Variants in RBFOX1 observed in about 807,000 individuals in gnomAD.
RBFOX1 encodes RNA binding fox-1 homolog 1, also known as RNA binding protein fox-1 homolog 1.
A neutral mutation model predicts 57.7 loss-of-function variants in RBFOX1; 8 were observed. The observed-to-expected ratio is 0.14, with a 90% CI of 0.08 to 0.25. The LOEUF (loss-of-function observed/expected upper bound fraction) is 0.25, where lower values mean the gene tolerates loss of function less well. Ranked by LOEUF, RBFOX1 falls within the 10% of genes least tolerant of loss-of-function variation. RBFOX1 has a pLI of 1.00. For synonymous variants in RBFOX1, 326 were observed against 222.4 expected, an observed-to-expected ratio of 1.47 and a Z score of -4.15; for missense variants, 611 against 548.5, an observed-to-expected ratio of 1.11 and a Z score of -1.14.
At chr16:6,857,834 G>C (rs2058188575) in intron 3 of RBFOX1, among the ~76,000 whole-genome samples, 1 of 152,172 alleles carries the variant, frequency 6.6e-6, no homozygotes, top group Non-Finnish European at 1.5e-5. Context: ...TAATTATAGT[G>C]TGTTTGTAGC....
chr16:5,477,220 TGCCCAG>T (rs2151634787), intron 2 of RBFOX1, among the ~76,000 whole-genome samples: 2 of 152,302 alleles, frequency 1.3e-5, no homozygotes, highest in South Asian at 4.1e-4. Flanking sequence ...CTTGCTTTGT[TGCCCAG>T]GCTGAAGATA....
intron 2 of RBFOX1, among the ~76,000 whole-genome samples, chr16:6,330,369 C>G (rs1429223212): frequency 6.6e-6 from 1 of 152,176 alleles, no homozygotes; most frequent in Non-Finnish European, 1.5e-5. Context: ...CCCAAGAAGC[C>G]TTGCACAGCA....
chr16:7,164,447 G>A (rs1056608535), intron 4 of RBFOX1, among the ~76,000 whole-genome samples: 1 of 152,054 alleles, frequency 6.6e-6, no homozygotes, highest in African/African-American at 2.4e-5. Context: ...TGTCTTTTTT[G>A]TATAGTGATT....
At chr16:5,925,441 G>T (rs1194223138) in intron 4 of RBFOX1, among the ~76,000 whole-genome samples, 3 of 152,156 alleles carry the variant, frequency 2.0e-5, no homozygotes, top group Non-Finnish European at 4.4e-5. Context: ...TTATAAAAGT[G>T]TCCAGAACAG....
At chr16:6,493,312 C>A (rs1015388380) in intron 2 of RBFOX1, among the ~76,000 whole-genome samples, 7 of 152,050 alleles carry the variant, frequency 4.6e-5, no homozygotes, top group Non-Finnish European at 1.0e-4. Context: ...GTTGGAATTT[C>A]CTAAAAATAT....
chr16:6,933,453 C>T (rs755730632), intron 3 of RBFOX1, among the ~76,000 whole-genome samples: 5 of 152,220 alleles, frequency 3.3e-5, no homozygotes, highest in Non-Finnish European at 7.3e-5. Flanking sequence ...TGGCTCATGC[C>T]TGTAATCCCG....
At chr16:6,641,320 C>T (rs1568004079) in intron 2 of RBFOX1, among the ~76,000 whole-genome samples, 2 of 152,154 alleles carry the variant, frequency 1.3e-5, no homozygotes, top group Non-Finnish European at 2.9e-5. Context: ...TCAACCAAGG[C>T]GTTCACCTTC....
chr16:6,215,971 C>G (rs1206833914), intron 1 of RBFOX1, among the ~76,000 whole-genome samples: 2 of 152,128 alleles, frequency 1.3e-5, no homozygotes, highest in Non-Finnish European at 2.9e-5. Flanking sequence ...GAGATCATGT[C>G]CTTTGCAGGG....
At chr16:5,968,805 T>A (rs1462113739) in intron 4 of RBFOX1, among the ~76,000 whole-genome samples, 1 of 152,092 alleles carries the variant, frequency 6.6e-6, no homozygotes, top group Non-Finnish European at 1.5e-5. Flanking sequence ...TCTTTTCTCT[T>A]GTTTTCTCTT....
chr16:5,334,622 C>T (rs532688047), intron 1 of RBFOX1, among the ~76,000 whole-genome samples: 1 of 151,978 alleles, frequency 6.6e-6, no homozygotes. Context: ...GTATATTTTT[C>T]AAGTGTGTGC....
chr16:6,826,721 C>G (rs1250963823), intron 3 of RBFOX1, among the ~76,000 whole-genome samples: 1 of 152,038 alleles, frequency 6.6e-6, no homozygotes, highest in Non-Finnish European at 1.5e-5. Flanking sequence ...ATTTATTTTT[C>G]TCACGCTCAT....
At chr16:5,633,430 T>G (rs982697240) in intron 3 of RBFOX1, among the ~76,000 whole-genome samples, 3 of 152,192 alleles carry the variant, frequency 2.0e-5, no homozygotes, top group Admixed American at 6.5e-5. Context: ...TTTCTGAGAT[T>G]TTGTTGCACT....
At chr16:7,599,668 C>T (rs1239547103) in intron 9 of RBFOX1, among the ~76,000 whole-genome samples, 2 of 75,164 alleles carry the variant, frequency 2.7e-5, no homozygotes, top group Admixed American at 1.2e-4. Flanking sequence ...TTTTTTGAGA[C>T]AGGGTCTCAC....
intron 2 of RBFOX1, among the ~76,000 whole-genome samples, chr16:5,489,393 C>T (rs1402950662): frequency 6.6e-6 from 1 of 152,216 alleles, no homozygotes; most frequent in Non-Finnish European, 1.5e-5. Flanking sequence ...GGCTCTGAGA[C>T]ACTGGTTTAA....
At chr16:5,885,546 C>T (rs1392988821) in intron 4 of RBFOX1, among the ~76,000 whole-genome samples, 2 of 152,118 alleles carry the variant, frequency 1.3e-5, no homozygotes, top group African/African-American at 4.8e-5. Flanking sequence ...AATCTCCTTT[C>T]CTTCCTCAAA....
At chr16:5,300,335 G>A (rs990499355) in intron 1 of RBFOX1, among the ~76,000 whole-genome samples, 1 of 152,160 alleles carries the variant, frequency 6.6e-6, no homozygotes, top group Non-Finnish European at 1.5e-5. Flanking sequence ...GCATAAGAAT[G>A]ATACGAGGGA....
At chr16:7,345,638 A>G (rs1391822878) in intron 4 of RBFOX1, among the ~76,000 whole-genome samples, 2 of 152,152 alleles carry the variant, frequency 1.3e-5, no homozygotes. Context: ...CTCTCTGTCT[A>G]CATTGTAAGG....
chr16:7,068,221 G>C (rs9932788), intron 4 of RBFOX1, among the ~76,000 whole-genome samples: 107,896 of 151,980 alleles, frequency 0.71, 39,057 homozygotes, highest in East Asian at 0.91. Context: ...ATAGATCTAA[G>C]ATCAGCCAGC....
intron 2 of RBFOX1, among the ~76,000 whole-genome samples, chr16:5,530,996 G>T (rs561051481): frequency 6.8e-6 from 1 of 146,666 alleles, no homozygotes; most frequent in Non-Finnish European, 1.5e-5. Context: ...TTGGTGGCAG[G>T]CACCTGTAGT....
Sources: gnomAD v4.1 joint callset for allele counts (sites outside exome capture counted in the v4.1 genomes callset) on GRCh38, gnomAD v4.1.1 for gene constraint, MANE v1.5 for transcripts, NCBI Gene and HGNC (gene_info 2026-07-23, HGNC 2026-07-21) for gene names.